CSNK2A1: variants seen among roughly 807,000 people sequenced by gnomAD.
The protein encoded by CSNK2A1 is casein kinase 2 alpha 1.
In CSNK2A1, 10 loss-of-function variants were observed where a neutral mutation model predicts 62.9. The observed-to-expected ratio is 0.16, with a 90% CI of 0.10 to 0.27. The LOEUF (loss-of-function observed/expected upper bound fraction) is 0.27, where lower values mean the gene tolerates loss of function less well. Ranked by LOEUF, CSNK2A1 falls within the 10% of genes least tolerant of loss-of-function variation. CSNK2A1 has a pLI of 1.00. For synonymous variants in CSNK2A1, 124 were observed against 167.8 expected, an observed-to-expected ratio of 0.74 and a Z score of 2.02; for missense variants, 160 against 492.0, an observed-to-expected ratio of 0.33 and a Z score of 6.38.
chr20:515,022 G>GA (rs1289506679), intron 2 of CSNK2A1, among the ~76,000 whole-genome samples: 5 of 152,174 alleles, frequency 3.3e-5, no homozygotes, highest in Admixed American at 3.3e-4. Flanking sequence ...AAGGGTAACA[G>GA]AAATTCATTG....
intron 3 of CSNK2A1, chr20:505,936 G>A (rs2665785): frequency 0.023 from 3,322 of 144,534 alleles, 60 homozygotes; most frequent in Non-Finnish European, 0.035. Flanking sequence ...GTGCAGTGGC[G>A]TGATCTCGGC....
chr20:495,411 G>A (rs2018325848), intron 8 of CSNK2A1: 1 of 321,738 alleles, frequency 3.1e-6, no homozygotes, highest in Admixed American at 4.2e-5. Flanking sequence ...AGAAAAAGAA[G>A]GCAAATGGAG....
At chr20:527,590 C>T (rs1600410832) in intron 2 of CSNK2A1, among the ~76,000 whole-genome samples, 1 of 152,306 alleles carries the variant, frequency 6.6e-6, no homozygotes, top group African/African-American at 2.4e-5. Flanking sequence ...AGGCCAAGTA[C>T]CTCTTCTACA....
intron 1 of CSNK2A1, among the ~76,000 whole-genome samples, chr20:537,284 A>G (rs1048326180): frequency 6.6e-6 from 1 of 152,210 alleles, no homozygotes; most frequent in South Asian, 2.1e-4. Flanking sequence ...AGATAACACA[A>G]TATTTTCTAT....
At chr20:532,264 A>C (rs2019228003) in intron 1 of CSNK2A1, among the ~76,000 whole-genome samples, 1 of 151,544 alleles carries the variant, frequency 6.6e-6, no homozygotes, top group Non-Finnish European at 1.5e-5. Flanking sequence ...TCCTGGGTTC[A>C]AGCGATTCCC....
intron 1 of CSNK2A1, among the ~76,000 whole-genome samples, chr20:542,452 G>A (rs1017486381): frequency 6.6e-6 from 1 of 151,986 alleles, no homozygotes; most frequent in African/African-American, 2.4e-5. Flanking sequence ...TTTTCTTTTT[G>A]AGGCGGAGTC....
chr20:521,180 A>G (rs2018937436), intron 2 of CSNK2A1, among the ~76,000 whole-genome samples: 1 of 152,232 alleles, frequency 6.6e-6, no homozygotes, highest in East Asian at 1.9e-4. Context: ...GCAAATCACA[A>G]ATCGAATAAA....
intron 1 of CSNK2A1, among the ~76,000 whole-genome samples, chr20:529,809 T>C (rs1314209883): frequency 4.6e-5 from 7 of 152,122 alleles, no homozygotes; most frequent in Admixed American, 1.3e-4. Context: ...GGCATTAAAT[T>C]TGTGGGTAGA....
intron 2 of CSNK2A1, among the ~76,000 whole-genome samples, chr20:514,287 T>C (rs893232030): frequency 6.6e-6 from 1 of 151,864 alleles, no homozygotes; most frequent in East Asian, 1.9e-4. Flanking sequence ...AAGGTTGCAG[T>C]GAGCCATGAT....
At chr20:525,378 C>G (rs534354635) in intron 2 of CSNK2A1, among the ~76,000 whole-genome samples, 1 of 151,680 alleles carries the variant, frequency 6.6e-6, no homozygotes, top group African/African-American at 2.4e-5. Context: ...ATCGGCTGGG[C>G]GCAGTGGCTC....
intron 13 of CSNK2A1, among the ~76,000 whole-genome samples, chr20:484,991 C>A (rs1276464066): frequency 2.6e-4 from 35 of 136,378 alleles, no homozygotes; most frequent in Non-Finnish European, 1.5e-5. Flanking sequence ...CGCTTGAACC[C>A]GGGAGGCGGA....
Position 487,631 on chromosome 20 carries a change from A to G in CSNK2A1, c.825-56T>C, listed in dbSNP as rs1025672155. The G allele has an allele frequency of 3.7e-6, 6 of 1,609,718 alleles. No homozygotes were observed. In the African/African-American group the frequency reaches 8.0e-5, roughly 22 times the overall value. On this transcript the variant is annotated intron_variant, in intron 11 of 13. Coordinates refer to ENST00000217244, the MANE Select transcript of CSNK2A1 (RefSeq NM_177559.3). ...GGCCACGTGGGCACAGAAGCCCAAC[A>G]TTTCATTCCTACATTTTTCTTAGTG...
chr20:541,200 G>T (rs1247896034), intron 1 of CSNK2A1: 1 of 152,006 alleles, frequency 6.6e-6, no homozygotes. Flanking sequence ...TGCTTTTAAG[G>T]ACTTAAGTGA....
intron 2 of CSNK2A1, among the ~76,000 whole-genome samples, 176 bp downstream of exon 2, chr20:527,757 T>G (rs1289284589): frequency 6.6e-6 from 1 of 152,186 alleles, no homozygotes; most frequent in Non-Finnish European, 1.5e-5. Context: ...CAGGCTGGTC[T>G]CAAACTCCTG....
rs749885474 is a variant in CSNK2A1, at chr20:482,390, A to G, written c.*1571T>C. ...AACTTAGGTGGTTGGATTACAGTGG[A>G]AAGTCCACTTTACACACACACACAA... On this transcript the variant is annotated 3_prime_UTR_variant, in exon 14 of 14. Coordinates refer to ENST00000217244, the MANE Select transcript of CSNK2A1 (RefSeq NM_177559.3). The G allele has an allele frequency of 1.3e-5, 2 of 152,192 alleles. No individual in the cohort carries two copies. Among genetic ancestry groups the G allele is most frequent in the African/African-American group, 4.8e-5 (2 of 41,428 alleles). 9.4% of individuals were successfully genotyped at this position (152,192 alleles called of 1,614,324 possible).
At chr20:489,725 C>A in intron 10 of CSNK2A1, 55 bp downstream of exon 10, 1 of 1,420,272 alleles carries the variant, frequency 7.0e-7, no homozygotes, top group Non-Finnish European at 9.7e-7. Context: ...ACAGGCAGTG[C>A]TGGCTATCAT....
At chr20:500,542 T>C (rs2018438287) in intron 4 of CSNK2A1, 1 of 152,808 alleles carries the variant, frequency 6.5e-6, no homozygotes, top group Non-Finnish European at 1.5e-5. Flanking sequence ...TCTCATAAGA[T>C]TGTTGCAAGA....
chr20:512,160 A>T (rs2018736583), intron 2 of CSNK2A1, among the ~76,000 whole-genome samples: 1 of 151,444 alleles, frequency 6.6e-6, no homozygotes, highest in African/African-American at 2.4e-5. Flanking sequence ...AAGTGCTCTC[A>T]AAATAGACTG....
intron 1 of CSNK2A1, among the ~76,000 whole-genome samples, chr20:533,684 G>GT (rs2019257850): frequency 6.6e-6 from 1 of 152,212 alleles, no homozygotes; most frequent in African/African-American, 2.4e-5. Context: ...AGGAAGTACA[G>GT]TAAAACAGAA....
Sources: gnomAD v4.1 joint callset for allele counts (sites outside exome capture counted in the v4.1 genomes callset) on GRCh38, gnomAD v4.1.1 for gene constraint, MANE v1.5 for transcripts, NCBI Gene and HGNC (gene_info 2026-07-23, HGNC 2026-07-21) for gene names.